Variants in PLA2G2F observed in about 807,000 individuals in gnomAD.
PLA2G2F encodes group IIF secretory phospholipase A2.
PLA2G2F carries 17 observed loss-of-function variants against 15.9 expected under a neutral mutation model. The ratio of observed to expected loss-of-function variants is 1.07; its 90% confidence interval spans 0.73 to 1.60. PLA2G2F has a LOEUF of 1.60. PLA2G2F is among the 40% of genes most tolerant of loss of function. The probability of loss-of-function intolerance (pLI) is 0.00; values close to 1 mark genes in which losing one functional copy is unlikely to be tolerated. For synonymous variants in PLA2G2F, 119 were observed against 106.5 expected, an observed-to-expected ratio of 1.12 and a Z score of -0.72; for missense variants, 299 against 278.2, an observed-to-expected ratio of 1.07 and a Z score of -0.53.
chr1:20,149,705 T>C lies in PLA2G2F; in HGVS notation c.*1304T>C, dbSNP rs138910070. The C allele has an allele frequency of 3.9e-3, 588 of 152,722 alleles. 3 individuals carry two copies. Among genetic ancestry groups the C allele is most frequent in the African/African-American group, 0.013 (536 of 41,520 alleles). 9.5% of individuals were successfully genotyped at this position (152,722 alleles called of 1,614,324 possible). A position where few individuals can be genotyped will look rare whatever the true frequency, so the allele number is the denominator to read the frequency against. ...ACAGAGGAGCTGGGGGCCAGGGCCT[T>C]ACGGGGCTGGGTTCCTGTGTGGGGC... On this transcript the variant is annotated 3_prime_UTR_variant, in exon 5 of 5. Transcript: ENST00000375102.
intron 3 of PLA2G2F, chr1:20,144,135 C>A (rs2017535933): frequency 1.0e-5 from 2 of 193,488 alleles, no homozygotes; most frequent in South Asian, 2.4e-4. Context: ...TTCTTGTTCG[C>A]CATCCTACCA....
chr1:20,145,180 A>G (rs2017563470), intron 4 of PLA2G2F, among the ~76,000 whole-genome samples: 1 of 152,194 alleles, frequency 6.6e-6, no homozygotes, highest in African/African-American at 2.4e-5. Flanking sequence ...TATGTCCTAA[A>G]TATTGCATGG....
chr1:20,140,349 T>A, intron 2 of PLA2G2F, 131 bp downstream of exon 2: 1 of 989,258 alleles, frequency 1.0e-6, no homozygotes, highest in Non-Finnish European at 1.5e-6. Context: ...CTGCTTCTTG[T>A]CTCAGCCCAG....
chr1:20,142,289 C>T (rs989602781), intron 2 of PLA2G2F: 4 of 152,320 alleles, frequency 2.6e-5, no homozygotes, highest in African/African-American at 9.6e-5. Context: ...CCGCAGTACA[C>T]AAACCTGGGG....
At chr1:20,143,117 G>A (rs2017509311) in intron 2 of PLA2G2F, 2 of 237,014 alleles carry the variant, frequency 8.4e-6, no homozygotes, top group Non-Finnish European at 1.6e-5. Context: ...CATGCAGGGG[G>A]TTGCAGTGAG....
rs1018241887 is a variant in PLA2G2F, at chr1:20,150,356, A to C, written c.*1955A>C. The C allele has an allele frequency of 9.2e-5, 14 of 152,256 alleles. No homozygotes were observed. The highest frequency in any genetic ancestry group is 3.4e-4 in the African/African-American group (14 of 41,430). 9.4% of individuals were successfully genotyped at this position (152,256 alleles called of 1,614,324 possible). Reference sequence around the variant, plus strand: ...CCACAGGACTCGGCTTCCTCTCCTCAAATGAATAAAGGCCTCCTACCTCAA... The same window carrying C: ...CCACAGGACTCGGCTTCCTCTCCTCCAATGAATAAAGGCCTCCTACCTCAA... On this transcript the variant is annotated 3_prime_UTR_variant, in exon 5 of 5. Coordinates refer to ENST00000375102, the MANE Select transcript of PLA2G2F (RefSeq NM_022819.4).
At chr1:20,139,853 C>T (rs756416888) in intron 1 of PLA2G2F, among the ~76,000 whole-genome samples, 10 of 152,156 alleles carry the variant, frequency 6.6e-5, no homozygotes, top group South Asian at 2.1e-4. Flanking sequence ...ACTTCCTTCC[C>T]GGACTCCCTA....
chr1:20,144,611 G>A lies in PLA2G2F; in HGVS notation c.346G>A (p.Glu116Lys), dbSNP rs1291890208. 4 of 1,612,098 alleles carry A rather than the reference G, an allele frequency of 2.5e-6. No homozygotes were observed. The highest frequency in any genetic ancestry group is 2.2e-5 in the East Asian group (1 of 44,888). ...CCHAHDCCYQ[E>K]LFDQGCHPYV... ...CCACGCCCACGACTGCTGCTACCAG[G>A]AACTCTTTGACCAAGGCTGTCACCC... Residue 116 changes from glutamate (E) to lysine (K), a missense_variant, in exon 4 of 5, where the codon GAA becomes AAA. Transcript: ENST00000375102.
In PLA2G2F at chr1:20,139,410, C is replaced by A. The variant is rs182295007; in HGVS notation, c.-18C>A. On this transcript the variant is annotated 5_prime_UTR_variant, in exon 1 of 5. Transcript: ENST00000375102. ...GACCTTCTGAGACCTATGTTGCTGG[C>A]CCCCCAGAACCCGCAACATGGCAGA... is the stretch of plus-strand genomic sequence containing the variant. 2.0e-6 allele frequency: 3 copies of A among 1,536,804 alleles called. No homozygotes were observed. The highest frequency in any genetic ancestry group is 1.8e-6 in the Non-Finnish European group (2 of 1,133,188).
Position 20,148,635 on chromosome 1 carries a change from G to T in PLA2G2F, c.*234G>T. 1.7e-6 allele frequency: 1 copy of T among 580,572 alleles called. No homozygotes were observed. Among genetic ancestry groups the T allele is most frequent in the Middle Eastern group, 4.6e-4 (1 of 2,196 alleles). The allele number at this position is 580,572 out of a possible 1,614,324, so 36.0% of individuals were successfully genotyped here. A position where few individuals can be genotyped will look rare whatever the true frequency, so the allele number is the denominator to read the frequency against. On this transcript the variant is annotated 3_prime_UTR_variant, in exon 5 of 5. Coordinates refer to ENST00000375102, the MANE Select transcript of PLA2G2F (RefSeq NM_022819.4). Reference sequence around the variant, plus strand: ...CTGCTGGTTCTGGACTGGGTGGGAGGCACGGAGCTTATAGGGGTCTCTCCT... The same window carrying T: ...CTGCTGGTTCTGGACTGGGTGGGAGTCACGGAGCTTATAGGGGTCTCTCCT...
rs1440676336 is a variant in PLA2G2F, at chr1:20,148,397, C to T, written c.632C>T (p.Pro211Leu). The part of the protein sequence containing the change: ...SHQSPAPPAP[P>L] ...CAATCCCCAGCGCCCCCCGCCCCTCCCTAGAGCCTCTGAGGTTTGAGAGAG... is the reference window on the plus strand; with the variant it reads ...CAATCCCCAGCGCCCCCCGCCCCTCTCTAGAGCCTCTGAGGTTTGAGAGAG... Residue 211 changes from proline to leucine, a missense_variant, in exon 5 of 5, where the codon CCC becomes CTC. Pro to Leu is a moderately conservative substitution (Grantham distance 98). Coordinates refer to ENST00000375102, the MANE Select transcript of PLA2G2F (RefSeq NM_022819.4). The T allele has an allele frequency of 6.2e-7, 1 of 1,610,034 alleles. No individual in the cohort carries two copies. Among genetic ancestry groups the T allele is most frequent in the African/African-American group, 1.3e-5 (1 of 74,974 alleles).
At chr1:20,143,778 G>A (rs1180290887) in intron 3 of PLA2G2F, 188 bp downstream of exon 3, 4 of 692,558 alleles carry the variant, frequency 5.8e-6, no homozygotes, top group South Asian at 2.1e-5. Flanking sequence ...AGCGCTTTCT[G>A]TTGTCCATCT....
At chr1:20,145,784 A>T (rs2017576884) in intron 4 of PLA2G2F, among the ~76,000 whole-genome samples, 1 of 151,698 alleles carries the variant, frequency 6.6e-6, no homozygotes, top group African/African-American at 2.4e-5. Flanking sequence ...TGATTCTTGT[A>T]TTTTTTGTGG....
intron 4 of PLA2G2F, among the ~76,000 whole-genome samples, chr1:20,146,289 G>A (rs1008411589): frequency 6.6e-6 from 1 of 152,164 alleles, no homozygotes; most frequent in Non-Finnish European, 1.5e-5. Context: ...CTCACTCATG[G>A]GTCCACTGAG....
At chr1:20,143,653 A>G in intron 3 of PLA2G2F, 63 bp downstream of exon 3, 1 of 1,575,200 alleles carries the variant, frequency 6.3e-7, no homozygotes, top group Non-Finnish European at 8.7e-7. Context: ...GGTCAGACTG[A>G]CCTTGCCCTC....
At chr1:20,145,314 T>C (rs1325172898) in intron 4 of PLA2G2F, among the ~76,000 whole-genome samples, 2 of 150,726 alleles carry the variant, frequency 1.3e-5, no homozygotes, top group Non-Finnish European at 3.0e-5. Flanking sequence ...ACGCAGTCTC[T>C]CTCTGTCGCA....
Position 20,139,544 on chromosome 1 carries a change from G to A in PLA2G2F, c.116+1G>A, listed in dbSNP as rs558020594. On this transcript the variant is annotated splice_donor_variant, in intron 1 of 4. Coordinates refer to ENST00000375102, the MANE Select transcript of PLA2G2F (RefSeq NM_022819.4). LOFTEE classifies it high-confidence loss of function. ...CCTCCTGTCCTTCAAGAACCTCCAG[G>A]TAGGTGCCTGTTGCCCTGAGATGGA... The A allele has an allele frequency of 5.9e-6, 9 of 1,514,440 alleles. No individual in the cohort carries two copies. In the Admixed American group the frequency reaches 2.0e-4, roughly 33 times the overall value. 93.8% of individuals were successfully genotyped at this position (1,514,440 alleles called of 1,614,324 possible).
intron 4 of PLA2G2F, 43 bp from the exon 5 acceptor site, chr1:20,148,147 T>A: frequency 6.6e-7 from 1 of 1,508,378 alleles, no homozygotes; most frequent in Middle Eastern, 1.7e-4. Flanking sequence ...GGGGAGCTGC[T>A]GCCCCTTTCA....
chr1:20,145,960 T>C (rs2017595502), intron 4 of PLA2G2F, among the ~76,000 whole-genome samples: 2 of 152,246 alleles, frequency 1.3e-5, no homozygotes, highest in African/African-American at 4.8e-5. Context: ...TTTGCTTTTT[T>C]GCTAAATCTG....
Sources: gnomAD v4.1 joint callset for allele counts (sites outside exome capture counted in the v4.1 genomes callset) on GRCh38, gnomAD v4.1.1 for gene constraint, MANE v1.5 for transcripts, NCBI Gene and HGNC (gene_info 2026-07-23, HGNC 2026-07-21) for gene names.